LAMB2: variants seen among roughly 807,000 people sequenced by gnomAD.
LAMB2 encodes the protein laminin subunit beta-2.
In LAMB2, 119 loss-of-function variants were observed where a neutral mutation model predicts 202.7. The ratio of observed to expected loss-of-function variants is 0.59; its 90% CI spans 0.51 to 0.68. LAMB2 has a LOEUF of 0.68. LAMB2 is among the 30% of genes least tolerant of loss of function. LAMB2 has a pLI of 0.00. For synonymous variants in LAMB2, 818 were observed against 902.2 expected, an observed-to-expected ratio of 0.91 and a Z score of 1.67; for missense variants, 2,124 against 2,410.6, an observed-to-expected ratio of 0.88 and a Z score of 2.49.
Position 49,130,492 on chromosome 3 carries a change from T to G in LAMB2, c.1037-73A>C. The G allele has an allele frequency of 6.4e-7, 1 of 1,562,638 alleles. No homozygotes were observed. On this transcript the variant is annotated intron_variant, in intron 8 of 31. Coordinates refer to ENST00000305544, the MANE Select transcript of LAMB2 (RefSeq NM_002292.4). The surrounding 1 kb of genome is among the most constrained non-coding windows in gnomAD (Gnocchi z 5.0). ...CACAAGGGTAAGAAGTAGGCCACCTTAGATCCCTATCACAGGCCAGAATTT... is the reference window on the plus strand; with the variant it reads ...CACAAGGGTAAGAAGTAGGCCACCTGAGATCCCTATCACAGGCCAGAATTT...
rs766374953 is a variant in LAMB2 at position 49,124,087 on chromosome 3, G to A, written c.3438C>T (p.Asp1146=). 3 of 1,613,972 alleles carry A rather than the reference G, an allele frequency of 1.9e-6. No individual in the cohort carries two copies. The highest frequency in any genetic ancestry group is 2.2e-5 in the East Asian group (1 of 44,900). ...PGLQCHACDC[D]SRGIDTPQCH... ...ACTGAGGTGTATCTATTCCACGAGA[G>A]TCACAATCACAGGCTGCAAGAAAGA... Residue 1146 remains aspartate (D), a synonymous_variant, in exon 24 of 32, where the codon GAC becomes GAT. Transcript: ENST00000305544.
Position 49,123,237 on chromosome 3 carries a change from A to G in LAMB2, c.4119T>C (p.Asp1373=). The G allele has an allele frequency of 6.2e-7, 1 of 1,614,044 alleles. No homozygotes were observed. Among genetic ancestry groups the G allele is most frequent in the Non-Finnish European group, 8.5e-7 (1 of 1,180,040 alleles). The part of the protein sequence containing the change: ...SARHRTEALM[D]AQKEDFNSKH... ...TGCTGTTGAAGTCCTCCTTCTGAGC[A>G]TCCATCAGTGCCTCTGTCCGATGCC... Residue 1373 remains aspartate (D), a synonymous_variant, in exon 26 of 32, where the codon GAT becomes GAC. Coordinates refer to ENST00000305544, the MANE Select transcript of LAMB2 (RefSeq NM_002292.4).
At position 49,123,113 on chromosome 3, in the gene LAMB2, C is replaced by T. The variant is rs114913744; in HGVS notation, c.4224+19G>A. 0.012 allele frequency: 18,741 copies of T among 1,609,368 alleles called. 254 individuals carry two copies. The highest frequency in any genetic ancestry group is 0.051 in the South Asian group (4,602 of 91,082). On this transcript the variant is annotated intron_variant, in intron 26 of 31. Coordinates refer to ENST00000305544, the MANE Select transcript of LAMB2 (RefSeq NM_002292.4). ...GGAACATCTACACCCACCTGCCCCA[C>T]CCAACACTTCAACCTCACCAGCTCA... is the stretch of plus-strand genomic sequence containing the variant.
chr3:49,121,145 G>A lies in LAMB2; in HGVS notation c.*81C>T. 7 of 1,554,950 alleles carry A rather than the reference G, an allele frequency of 4.5e-6. No individual in the cohort carries two copies. In the Admixed American group the frequency reaches 5.1e-5, roughly 11 times the overall value. Reference sequence around the variant, plus strand: ...TTCACACTGGTTTATTGGGGGCCCTGCCGGGCCAAGAGCTCTTCAGTGCAT... The same window carrying A: ...TTCACACTGGTTTATTGGGGGCCCTACCGGGCCAAGAGCTCTTCAGTGCAT... On this transcript the variant is annotated 3_prime_UTR_variant, in exon 32 of 32. Transcript: ENST00000305544.
chr3:49,124,047 C>T lies in LAMB2; in HGVS notation c.3478G>A (p.Gly1160Ser), dbSNP rs1437741420. 1.2e-6 allele frequency: 2 copies of T among 1,613,802 alleles called. No individual in the cohort carries two copies. The highest frequency in any genetic ancestry group is 1.7e-6 in the Non-Finnish European group (2 of 1,180,012). ...ACCCCTGGGCGGCAGCTGCAGTGAC[C>T]TGTGAAGCGGTGACACTGAGGTGTA... Reference protein sequence around the residue: ...IDTPQCHRFTGHCSCRPGVSG... With the variant: ...IDTPQCHRFTSHCSCRPGVSG... Residue 1160 changes from glycine (G) to serine (S), a missense_variant, in exon 24 of 32, where the codon GGT (glycine) becomes AGT (serine). Transcript: ENST00000305544.
intron 16 of LAMB2, 49 bp downstream of exon 16, chr3:49,126,316 C>T (rs200793189): frequency 1.2e-6 from 2 of 1,613,908 alleles, no homozygotes; most frequent in Admixed American, 1.7e-5. Flanking sequence ...AAGTCCCACA[C>T]CACGGGCCCT....
chr3:49,128,041 A>G (rs1432176342), intron 15 of LAMB2, among the ~76,000 whole-genome samples: 2 of 149,204 alleles, frequency 1.3e-5, no homozygotes, highest in East Asian at 1.9e-4. Flanking sequence ...AAAAAAAAAG[A>G]AAAGAAAAGA....
Position 49,124,285 on chromosome 3 carries a change from A to C in LAMB2, c.3329T>G (p.Phe1110Cys). 1 of 1,613,968 alleles carries C rather than the reference A, an allele frequency of 6.2e-7. No homozygotes were observed. Among genetic ancestry groups the C allele is most frequent in the Middle Eastern group, 1.6e-4 (1 of 6,062 alleles). ...SRARGPTCNE[F>C]TGQCHCRAGF... The stretch of plus-strand genomic sequence containing the variant: ...GGCACGGCAGTGGCACTGCCCTGTG[A>C]ACTGGGGTGGGAACAAGGCAGGGTC... Residue 1110 changes from phenylalanine (F) to cysteine (C), a missense_variant and splice_region_variant, in exon 23 of 32, where the codon TTC (phenylalanine) becomes TGC (cysteine). By Grantham distance (205) the Phe-to-Cys change is radical. Coordinates refer to ENST00000305544, the MANE Select transcript of LAMB2 (RefSeq NM_002292.4).
chr3:49,132,766 C>G lies in LAMB2; in HGVS notation c.76+26G>C, dbSNP rs755424987. ...AGGACCTACCATCACATTCCACAAC[C>G]CCCAGCCCCCACCAGGCCCTCTCAC... On this transcript the variant is annotated intron_variant, in intron 1 of 31. Coordinates refer to ENST00000305544, the MANE Select transcript of LAMB2 (RefSeq NM_002292.4). The surrounding 1 kb of genome is among the most constrained non-coding windows in gnomAD (Gnocchi z 4.6). 2 of 1,614,016 alleles carry G rather than the reference C, an allele frequency of 1.2e-6. No homozygotes were observed. Among genetic ancestry groups the G allele is most frequent in the Admixed American group, 1.7e-5 (1 of 60,026 alleles).
In LAMB2 at chr3:49,121,800, G is replaced by A; in HGVS notation, c.4984C>T (p.Gln1662Ter). Reference sequence around the variant, plus strand: ...AGAGCCTCCAGGAGAGCATCCAACTGCCGAGCCCTTTCACCTGCAGAGCTC... The same window carrying A: ...AGAGCCTCCAGGAGAGCATCCAACTACCGAGCCCTTTCACCTGCAGAGCTC... ...ALSSAGERAR[Q>*]LDALLEALKL... is the part of the protein sequence containing the mutation. Residue 1662 changes from glutamine to a stop codon, truncating the protein, a stop_gained, in exon 30 of 32, where the codon CAG becomes TAG. Coordinates refer to ENST00000305544, the MANE Select transcript of LAMB2 (RefSeq NM_002292.4). LOFTEE classifies it high-confidence loss of function. The A allele has an allele frequency of 6.2e-7, 1 of 1,613,144 alleles. No homozygotes were observed. Among genetic ancestry groups the A allele is most frequent in the Non-Finnish European group, 8.5e-7 (1 of 1,179,986 alleles).
rs944951848 is a variant in LAMB2, at chr3:49,121,809, T to G, written c.4975A>C (p.Arg1659=). The change falls in exon 30 of 32, where the codon AGG becomes CGG. Residue 1659 remains arginine, a synonymous_variant. Coordinates refer to ENST00000305544, the MANE Select transcript of LAMB2 (RefSeq NM_002292.4). ...AERALSSAGE[R]ARQLDALLEA... The stretch of plus-strand genomic sequence containing the variant: ...AGGAGAGCATCCAACTGCCGAGCCC[T>G]TTCACCTGCAGAGCTCAGTGCCCGC... The G allele has an allele frequency of 6.2e-7, 1 of 1,613,210 alleles. No individual in the cohort carries two copies. The highest frequency in any genetic ancestry group is 8.5e-7 in the Non-Finnish European group (1 of 1,180,008).
Position 49,121,127 on chromosome 3 carries a change from T to G in LAMB2, c.*99A>C. On this transcript the variant is annotated 3_prime_UTR_variant, in exon 32 of 32. Transcript: ENST00000305544. ...CAGACAACACAGTGGGGGTTCACAC[T>G]GGTTTATTGGGGGCCCTGCCGGGCC... The G allele has an allele frequency of 2.2e-6, 3 of 1,390,778 alleles. No individual in the cohort carries two copies. The highest frequency in any genetic ancestry group is 1.9e-5 in the Admixed American group (1 of 53,980). The allele number at this position is 1,390,778 out of a possible 1,614,324, so 86.2% of individuals were successfully genotyped here. A position where few individuals can be genotyped will look rare whatever the true frequency, so the allele number is the denominator to read the frequency against.
In LAMB2 at chr3:49,129,352, G is replaced by A. The variant is rs2045457222; in HGVS notation, c.1519-28C>T. The A allele has an allele frequency of 6.3e-7, 1 of 1,597,524 alleles. No homozygotes were observed. The highest frequency in any genetic ancestry group is 1.3e-5 in the African/African-American group (1 of 74,610). ...GCACGAAAGGAGTTGCTGGGGGCCA[G>A]AAACAGACCTCCAGACCCCATCACC... On this transcript the variant is annotated intron_variant, in intron 11 of 31. Transcript: ENST00000305544. The surrounding 1 kb of genome is among the most constrained non-coding windows in gnomAD (Gnocchi z 6.1).
At position 49,130,871 on chromosome 3, in the gene LAMB2, T is replaced by G. The variant is rs2045473379; in HGVS notation, c.916-11A>C. On this transcript the variant is annotated splice_polypyrimidine_tract_variant and intron_variant, in intron 7 of 31. Coordinates refer to ENST00000305544, the MANE Select transcript of LAMB2 (RefSeq NM_002292.4). This position sits in a 1 kb window ranked among gnomAD's most constrained non-coding sequence, Gnocchi z 5.0. ...GCAAGCTCCGTGCACCTATAGAGGT[T>G]GGCAGGTAGGTTGTCAGCACTGCTC... 1 of 1,614,060 alleles carries G rather than the reference T, an allele frequency of 6.2e-7. No homozygotes were observed. The highest frequency in any genetic ancestry group is 1.7e-5 in the Admixed American group (1 of 60,016).
At position 49,124,003 on chromosome 3, in the gene LAMB2, G is replaced by A. The variant is rs532058101; in HGVS notation, c.3522C>T (p.Asp1174=). The change falls in exon 24 of 32, where the codon GAC becomes GAT. Residue 1174 remains aspartate, a synonymous_variant. Coordinates refer to ENST00000305544, the MANE Select transcript of LAMB2 (RefSeq NM_002292.4). Reference sequence around the variant, plus strand: ...TTCCTGAGAAGCCACGGGCACACTGGTCACAGCGCACACCAGACACCCCTG... The same window carrying A: ...TTCCTGAGAAGCCACGGGCACACTGATCACAGCGCACACCAGACACCCCTG... ...CRPGVSGVRC[D]QCARGFSGIF... The A allele has an allele frequency of 1.9e-6, 3 of 1,613,542 alleles. No individual in the cohort carries two copies. Among genetic ancestry groups the A allele is most frequent in the Admixed American group, 3.3e-5 (2 of 60,020 alleles).
chr3:49,131,687 C>T lies in LAMB2; in HGVS notation c.496G>A (p.Ala166Thr), dbSNP rs538636405. The T allele has an allele frequency of 2.5e-6, 4 of 1,613,546 alleles. No individual in the cohort carries two copies. In the Admixed American group the frequency reaches 5.0e-5, roughly 20 times the overall value. Residue 166 changes from alanine to threonine, a missense_variant, in exon 5 of 32, where the codon GCA (alanine) becomes ACA (threonine). By Grantham distance (58) the Ala-to-Thr change is moderately conservative. This residue lies in a region of LAMB2 where 256 missense variants were observed against 356.1 expected (regional missense o/e 0.72). Transcript: ENST00000305544. This position sits in a 1 kb window ranked among gnomAD's most constrained non-coding sequence, Gnocchi z 5.0. ...RPAAMLVERS[A>T]DFGRTWHVYR... ...ACATGCCAGGTGCGGCCAAAGTCTG[C>T]TGAGCGTTCCACCAGCATGGCAGCA...
intron 27 of LAMB2, 66 bp from the exon 28 acceptor site, chr3:49,122,436 G>C: frequency 5.4e-6 from 8 of 1,483,630 alleles, no homozygotes; most frequent in Non-Finnish European, 6.6e-6. Flanking sequence ...ATACAGTTTT[G>C]GGGTATGGAC....
rs1469814098 is a variant in LAMB2 at position 49,121,864 on chromosome 3, C to T, written c.4924-4G>A. On this transcript the variant is annotated splice_polypyrimidine_tract_variant and splice_region_variant and intron_variant, in intron 29 of 31. Transcript: ENST00000305544. ...CACCTGCCATCCTCTCCTGTACCTG[C>T]CATGGGTGAGCCAAAGGTTACACAG... 1 of 1,613,204 alleles carries T rather than the reference C, an allele frequency of 6.2e-7. No individual in the cohort carries two copies. The highest frequency in any genetic ancestry group is 8.5e-7 in the Non-Finnish European group (1 of 1,180,048).
chr3:49,129,582 C>T lies in LAMB2; in HGVS notation c.1518+22G>A, dbSNP rs1205430651. On this transcript the variant is annotated intron_variant, in intron 11 of 31. Coordinates refer to ENST00000305544, the MANE Select transcript of LAMB2 (RefSeq NM_002292.4). The surrounding 1 kb of genome is among the most constrained non-coding windows in gnomAD (Gnocchi z 6.1). Reference sequence around the variant, plus strand: ...CTAAGGACAAATCATGCCCCTAGAACTCCAGCCCCTTCCAGTCGCACCAGG... The same window carrying T: ...CTAAGGACAAATCATGCCCCTAGAATTCCAGCCCCTTCCAGTCGCACCAGG... 3 of 1,586,008 alleles carry T rather than the reference C, an allele frequency of 1.9e-6. No individual in the cohort carries two copies. Among genetic ancestry groups the T allele is most frequent in the South Asian group, 1.1e-5 (1 of 90,458 alleles).
Sources: gnomAD v4.1 joint callset for allele counts (sites outside exome capture counted in the v4.1 genomes callset) on GRCh38, gnomAD v4.1.1 for gene constraint, gnomAD v4.1.1 regional missense constraint, Gnocchi (gnomAD v3.1) non-coding constraint, MANE v1.5 for transcripts, NCBI Gene and HGNC (gene_info 2026-07-23, HGNC 2026-07-21) for gene names.